Variants in LAPTM4B observed in about 807,000 individuals in gnomAD.
LAPTM4B encodes the protein lysosomal protein transmembrane 4 beta.
Under a neutral mutation model 28.5 loss-of-function variants are expected in LAPTM4B, and 26 were observed. That is an observed-to-expected ratio of 0.91 (90% confidence interval 0.67 to 1.27). LAPTM4B has a LOEUF of 1.27. LAPTM4B is among the 50% of genes most tolerant of loss of function. The pLI, the probability that LAPTM4B is intolerant of heterozygous loss-of-function variation, is 0.00. For synonymous variants in LAPTM4B, 109 were observed against 106.4 expected, an observed-to-expected ratio of 1.02 and a Z score of -0.15; for missense variants, 288 against 285.8, an observed-to-expected ratio of 1.01 and a Z score of -0.06.
intron 1 of LAPTM4B, among the ~76,000 whole-genome samples, chr8:97,792,869 C>G (rs914912205): frequency 6.6e-6 from 1 of 152,306 alleles, no homozygotes; most frequent in Middle Eastern, 3.4e-3. Context: ...TGAGCCATTG[C>G]GCCCAGCATA....
Position 97,817,232 on chromosome 8 carries a change from C to T in LAPTM4B, c.408+1052C>T, listed in dbSNP as rs568852084. 1.1e-4 allele frequency among the ~76,000 whole-genome samples: 16 copies of T among 151,278 alleles called. 1 individual carries two copies. In the South Asian group the frequency reaches 3.2e-3, roughly 30 times the overall value. On this transcript the variant is annotated intron_variant, in intron 4 of 6. Coordinates refer to ENST00000521545, the MANE Select transcript of LAPTM4B (RefSeq NM_018407.6). The stretch of plus-strand genomic sequence containing the variant: ...CTGCAGCGTTGACCTCCCAGGCTCC[C>T]GTGATCCTCCCATCTCAACCTCTTG...
At chr8:97,837,109 G>A (rs186683988) in intron 6 of LAPTM4B, among the ~76,000 whole-genome samples, 1 of 152,034 alleles carries the variant, frequency 6.6e-6, no homozygotes, top group Non-Finnish European at 1.5e-5. Flanking sequence ...TGACTAAGGG[G>A]GAATGGGAGT....
chr8:97,788,770 C>G (rs1432306908), intron 1 of LAPTM4B, among the ~76,000 whole-genome samples: 1 of 151,432 alleles, frequency 6.6e-6, no homozygotes, highest in Admixed American at 6.6e-5. Flanking sequence ...GCTTGGCTCA[C>G]TGCAACCTCC....
At chr8:97,787,689 T>C (rs1816425730) in intron 1 of LAPTM4B, among the ~76,000 whole-genome samples, 1 of 152,220 alleles carries the variant, frequency 6.6e-6, no homozygotes. Flanking sequence ...GTTTCTCTCT[T>C]GTATTTTAGT....
intron 1 of LAPTM4B, among the ~76,000 whole-genome samples, chr8:97,799,780 C>T (rs574782776): frequency 6.6e-6 from 1 of 152,294 alleles, no homozygotes; most frequent in Admixed American, 6.5e-5. Flanking sequence ...GGCCTCTTCA[C>T]CACCTGGCCC....
intron 5 of LAPTM4B, among the ~76,000 whole-genome samples, chr8:97,823,804 T>A (rs944087826): frequency 2.0e-5 from 3 of 151,644 alleles, no homozygotes; most frequent in Non-Finnish European, 4.4e-5. Context: ...TTCAAGCAAT[T>A]CTCCCGCCTC....
intron 6 of LAPTM4B, among the ~76,000 whole-genome samples, chr8:97,831,460 T>A (rs1212759940): frequency 6.6e-6 from 1 of 152,106 alleles, no homozygotes; most frequent in Non-Finnish European, 1.5e-5. Flanking sequence ...TTAGGAAGCC[T>A]TGGGGAGTAG....
At chr8:97,800,593 T>G (rs1586326408) in intron 1 of LAPTM4B, among the ~76,000 whole-genome samples, 1 of 145,454 alleles carries the variant, frequency 6.9e-6, no homozygotes, top group South Asian at 2.2e-4. Context: ...GCCTCCCGGG[T>G]TCAAGCAATT....
At chr8:97,824,284 C>T (rs1307985684) in intron 5 of LAPTM4B, among the ~76,000 whole-genome samples, 1 of 152,128 alleles carries the variant, frequency 6.6e-6, no homozygotes, top group Non-Finnish European at 1.5e-5. Flanking sequence ...GTGGCTGCAA[C>T]CATTTTACAT....
chr8:97,796,557 TG>T (rs900709150), intron 1 of LAPTM4B, among the ~76,000 whole-genome samples: 1 of 152,144 alleles, frequency 6.6e-6, no homozygotes, highest in Non-Finnish European at 1.5e-5. Flanking sequence ...TTAGACAATT[TG>T]GGGGAAAAAA....
At chr8:97,787,127 C>G (rs1317132118) in intron 1 of LAPTM4B, among the ~76,000 whole-genome samples, 3 of 151,968 alleles carry the variant, frequency 2.0e-5, no homozygotes, top group Non-Finnish European at 4.4e-5. Flanking sequence ...TGTTTGTGTC[C>G]TGGCCTGCTG....
chr8:97,824,918 T>C (rs1817070534), intron 5 of LAPTM4B, 140 bp from the exon 6 acceptor site: 1 of 533,178 alleles, frequency 1.9e-6, no homozygotes, highest in Non-Finnish European at 3.4e-6. Context: ...TCAGGGACTT[T>C]TGGTTTAGTA....
At chr8:97,838,399 C>T (rs1257662192) in intron 6 of LAPTM4B, among the ~76,000 whole-genome samples, 1 of 152,226 alleles carries the variant, frequency 6.6e-6, no homozygotes, top group Admixed American at 6.5e-5. Context: ...TCATAGGTTT[C>T]TCCGCAGACA....
At chr8:97,814,755 G>A (rs144760134) in intron 2 of LAPTM4B, among the ~76,000 whole-genome samples, 1,313 of 119,126 alleles carry the variant, frequency 0.011, 23 homozygotes, top group African/African-American at 0.035. Flanking sequence ...GTGCAGTGGC[G>A]CGATCTCGGC....
chr8:97,822,454 G>T (rs1817020342), intron 5 of LAPTM4B, among the ~76,000 whole-genome samples: 1 of 151,752 alleles, frequency 6.6e-6, no homozygotes, highest in African/African-American at 2.4e-5. Context: ...ATTTTCACTT[G>T]TACTTATTTG....
intron 2 of LAPTM4B, among the ~76,000 whole-genome samples, chr8:97,806,598 G>A (rs980125579): frequency 2.6e-5 from 4 of 152,084 alleles, no homozygotes; most frequent in Admixed American, 6.5e-5. Context: ...CCCAAATCTC[G>A]AATTGTATCT....
intron 2 of LAPTM4B, among the ~76,000 whole-genome samples, chr8:97,814,280 C>G (rs1262216608): frequency 1.3e-5 from 2 of 152,156 alleles, no homozygotes; most frequent in Non-Finnish European, 2.9e-5. Context: ...GAGGCCGAGG[C>G]TGGCAGATCA....
At chr8:97,812,312 C>T (rs1816846040) in intron 2 of LAPTM4B, among the ~76,000 whole-genome samples, 1 of 150,320 alleles carries the variant, frequency 6.7e-6, no homozygotes, top group African/African-American at 2.4e-5. Flanking sequence ...CTCCACCTCC[C>T]AGGTTCAAGT....
chr8:97,850,703 T>C (rs1039002768), intron 6 of LAPTM4B, among the ~76,000 whole-genome samples: 2 of 149,010 alleles, frequency 1.3e-5, no homozygotes, highest in African/African-American at 5.1e-5. Context: ...TTTTGTTTTG[T>C]CTTCTCATCT....
Sources: gnomAD v4.1 joint callset for allele counts (sites outside exome capture counted in the v4.1 genomes callset) on GRCh38, gnomAD v4.1.1 for gene constraint, MANE v1.5 for transcripts, NCBI Gene and HGNC (gene_info 2026-07-23, HGNC 2026-07-21) for gene names.